Variants in CRAMP1 observed in about 807,000 individuals in gnomAD.
CRAMP1 encodes cramped chromatin regulator 1, also known as protein cramped-like.
A neutral mutation model predicts 115.4 loss-of-function variants in CRAMP1; 50 were observed. That is an observed-to-expected ratio of 0.43 (90% CI 0.35 to 0.55). CRAMP1 has a LOEUF of 0.55. Among genes scored for constraint, CRAMP1 ranks in the 20% least tolerant of loss-of-function variants. The pLI is 0.01. For missense variants in CRAMP1, 1,679 were observed against 1,721.7 expected (o/e 0.98, Z 0.44); for synonymous variants, 866 against 745.4 (o/e 1.16, Z -2.64).
At chr16:1,660,708 A>G (rs993046755) in intron 11 of CRAMP1, among the ~76,000 whole-genome samples, 4 of 152,218 alleles carry the variant, frequency 2.6e-5, no homozygotes, top group African/African-American at 7.2e-5. Context: ...TTTTAAGTGT[A>G]AAAATGGTGA....
chr16:1,645,363 T>C (rs529038467), intron 6 of CRAMP1: 3 of 253,532 alleles, frequency 1.2e-5, no homozygotes, highest in South Asian at 9.5e-5. Flanking sequence ...ATTTTTTATA[T>C]TTTTAGTACA....
intron 11 of CRAMP1, among the ~76,000 whole-genome samples, chr16:1,661,196 C>T (rs1272293140): frequency 1.3e-5 from 2 of 152,176 alleles, no homozygotes; most frequent in African/African-American, 4.8e-5. Context: ...GGGGCTCATA[C>T]CTGTGGTCCC....
chr16:1,661,746 C>A (rs2036832301), intron 11 of CRAMP1, among the ~76,000 whole-genome samples: 1 of 152,078 alleles, frequency 6.6e-6, no homozygotes, highest in South Asian at 2.1e-4. Context: ...CAGGCATGTG[C>A]CACCATGCTC....
Position 1,666,041 on chromosome 16 carries a change from C to G in CRAMP1, c.2753-32C>G. On this transcript the variant is annotated intron_variant, in intron 14 of 20. Coordinates refer to ENST00000397412, the MANE Select transcript of CRAMP1 (RefSeq NM_020825.4). This position sits in a 1 kb window ranked among gnomAD's most constrained non-coding sequence, Gnocchi z 5.0. ...GCTGTGAGGGCATGGCGGGCGGGCT[C>G]GACATGTCTGCTTTTGCCCTCGCCC... 1 of 1,464,494 alleles carries G rather than the reference C, an allele frequency of 6.8e-7. No homozygotes were observed. Among genetic ancestry groups the G allele is most frequent in the Non-Finnish European group, 9.4e-7 (1 of 1,068,838 alleles). 90.7% of individuals were successfully genotyped at this position (1,464,494 alleles called of 1,614,324 possible).
chr16:1,629,761 C>G (rs1482083522), intron 3 of CRAMP1, among the ~76,000 whole-genome samples: 1 of 152,222 alleles, frequency 6.6e-6, no homozygotes, highest in African/African-American at 2.4e-5. Context: ...CCTCTTTATG[C>G]TTTATCTGCC....
At position 1,656,974 on chromosome 16, in the gene CRAMP1, C is replaced by G; in HGVS notation, c.2217C>G (p.Thr739=). The change falls in exon 10 of 21, where the codon ACC becomes ACG. Residue 739 remains threonine (T), a synonymous_variant. Coordinates refer to ENST00000397412, the MANE Select transcript of CRAMP1 (RefSeq NM_020825.4). This position sits in a 1 kb window ranked among gnomAD's most constrained non-coding sequence, Gnocchi z 5.6. ...LLSCLLKLIS[T]EVNPKLALEA... Reference sequence around the variant, plus strand: ...GCTGCCTCCTGAAGCTCATTTCCACCGAGGTCAACCCCAAGCTGGTGAGTG... The same window carrying G: ...GCTGCCTCCTGAAGCTCATTTCCACGGAGGTCAACCCCAAGCTGGTGAGTG... 6.5e-7 allele frequency: 1 copy of G among 1,542,194 alleles called. No individual in the cohort carries two copies. The highest frequency in any genetic ancestry group is 8.8e-7 in the Non-Finnish European group (1 of 1,142,694).
At chr16:1,612,945 G>C (rs2036371747) in intron 1 of CRAMP1, among the ~76,000 whole-genome samples, 1 of 152,054 alleles carries the variant, frequency 6.6e-6, no homozygotes, top group African/African-American at 2.4e-5. Context: ...AAGTCTGGAC[G>C]GCGTCGGTCC....
chr16:1,617,023 A>G (rs2036426352), intron 2 of CRAMP1, among the ~76,000 whole-genome samples: 1 of 149,920 alleles, frequency 6.7e-6, no homozygotes, highest in Non-Finnish European at 1.5e-5. Flanking sequence ...ACGGGGTTTC[A>G]CCGTGTTAGC....
intron 4 of CRAMP1, among the ~76,000 whole-genome samples, chr16:1,637,272 C>G (rs897734175): frequency 6.7e-6 from 1 of 150,066 alleles, no homozygotes; most frequent in African/African-American, 2.5e-5. Flanking sequence ...CCAGTCTGGG[C>G]GAGAGAGTGA....
At position 1,614,843 on chromosome 16, in the gene CRAMP1, G is replaced by T; in HGVS notation, c.204G>T (p.Ala68=). The T allele has an allele frequency of 7.8e-7, 1 of 1,281,056 alleles. No individual in the cohort carries two copies. 79.4% of individuals were successfully genotyped at this position (1,281,056 alleles called of 1,614,324 possible). A position where few individuals can be genotyped will look rare whatever the true frequency, so the allele number is the denominator to read the frequency against. Residue 68 remains alanine, a synonymous_variant, in exon 2 of 21, where the codon GCG becomes GCT. Coordinates refer to ENST00000397412, the MANE Select transcript of CRAMP1 (RefSeq NM_020825.4). The surrounding 1 kb of genome is among the most constrained non-coding windows in gnomAD (Gnocchi z 4.4). ...CCGCGCCCCCCGGCGCGCCGCAGGC[G>T]CCGTCCCCGCCGCAGGGCAGCCCCC... ...GPPAPPGAPQ[A]PSPPQGSPQD... is the part of the protein sequence containing the mutation.
chr16:1,614,879 C>T lies in CRAMP1; in HGVS notation c.240C>T (p.His80=), dbSNP rs2036404023. The change falls in exon 2 of 21, where the codon CAC becomes CAT. Residue 80 remains histidine, a synonymous_variant. Coordinates refer to ENST00000397412, the MANE Select transcript of CRAMP1 (RefSeq NM_020825.4). The surrounding 1 kb of genome is among the most constrained non-coding windows in gnomAD (Gnocchi z 4.4). The part of the protein sequence containing the change: ...SPPQGSPQDQ[H]HFLRSSVRPQ... ...CGCAGGGCAGCCCCCAGGACCAGCA[C>T]CACTTCCTCCGGTCCAGCGTGCGGC... The T allele has an allele frequency of 1.1e-5, 15 of 1,331,166 alleles. No individual in the cohort carries two copies. Among genetic ancestry groups the T allele is most frequent in the Non-Finnish European group, 1.3e-5 (14 of 1,038,992 alleles). 82.5% of individuals were successfully genotyped at this position (1,331,166 alleles called of 1,614,324 possible).
intron 4 of CRAMP1, among the ~76,000 whole-genome samples, chr16:1,633,712 C>T (rs188362898): frequency 4.6e-5 from 7 of 152,272 alleles, no homozygotes; most frequent in African/African-American, 1.2e-4. Flanking sequence ...CACGCAGCAC[C>T]GACTTTTCAT....
chr16:1,612,465 G>C lies in CRAMP1; in HGVS notation c.-194G>C, dbSNP rs950964424. On this transcript the variant is annotated 5_prime_UTR_variant, in exon 1 of 21. Transcript: ENST00000397412. ...CTGCGTCCGCAGCCCCCGCAGCCGC[G>C]CGCCGGCCCGCGGAGGGGACGTGCC... 2.6e-5 allele frequency: 4 copies of C among 151,248 alleles called. No individual in the cohort carries two copies. The highest frequency in any genetic ancestry group is 5.9e-5 in the Non-Finnish European group (4 of 67,686). 9.4% of individuals were successfully genotyped at this position (151,248 alleles called of 1,614,324 possible).
chr16:1,647,781 A>T lies in CRAMP1; in HGVS notation c.828-4715A>T, dbSNP rs555859877. Among the ~76,000 whole-genome samples, 3 of 144,048 alleles carry T rather than the reference A, an allele frequency of 2.1e-5. No homozygotes were observed. The East Asian group carries it at 6.2e-4, about 30-fold the overall frequency. The allele number at this position is 144,048 out of a possible 152,430, so 94.5% of individuals were successfully genotyped here. The stretch of plus-strand genomic sequence containing the variant: ...AAAAAAAAAAAAAAAAAAGCTACTC[A>T]TGGAGGGGTGTAAATAGAGCCTCTG... On this transcript the variant is annotated intron_variant, in intron 6 of 20. Transcript: ENST00000397412.
Position 1,674,242 on chromosome 16 carries a change from G to C in CRAMP1, c.*197G>C. On this transcript the variant is annotated 3_prime_UTR_variant, in exon 21 of 21. Coordinates refer to ENST00000397412, the MANE Select transcript of CRAMP1 (RefSeq NM_020825.4). Reference sequence around the variant, plus strand: ...GGAGACTAGGATGAGTTCTTGGCAAGGGCCAGCGTTAGAAATCACTGTGGT... The same window carrying C: ...GGAGACTAGGATGAGTTCTTGGCAACGGCCAGCGTTAGAAATCACTGTGGT... 3 of 602,846 alleles carry C rather than the reference G, an allele frequency of 5.0e-6. No homozygotes were observed. Among genetic ancestry groups the C allele is most frequent in the South Asian group, 4.0e-5 (2 of 49,772 alleles). 37.3% of individuals were successfully genotyped at this position (602,846 alleles called of 1,614,324 possible).
At chr16:1,618,367 A>G (rs1333780626) in intron 2 of CRAMP1, among the ~76,000 whole-genome samples, 1 of 152,194 alleles carries the variant, frequency 6.6e-6, no homozygotes, top group African/African-American at 2.4e-5. Flanking sequence ...GCCATGAAAA[A>G]TGCATGCAGC....
Position 1,641,076 on chromosome 16 carries a change from A to C in CRAMP1, c.779-63A>C, listed in dbSNP as rs374981019. ...CTATATTGAGCGGAATTGTATGGGAATCTTCAGTGGCTTTGCTCCTAACTA... is the reference window on the plus strand; with the variant it reads ...CTATATTGAGCGGAATTGTATGGGACTCTTCAGTGGCTTTGCTCCTAACTA... On this transcript the variant is annotated intron_variant, in intron 5 of 20. Coordinates refer to ENST00000397412, the MANE Select transcript of CRAMP1 (RefSeq NM_020825.4). 23 of 1,134,526 alleles carry C rather than the reference A, an allele frequency of 2.0e-5. 1 individual carries two copies. The highest frequency in any genetic ancestry group is 4.2e-4 in the Middle Eastern group (2 of 4,790). 70.3% of individuals were successfully genotyped at this position (1,134,526 alleles called of 1,614,324 possible).
intron 3 of CRAMP1, among the ~76,000 whole-genome samples, chr16:1,629,226 G>T (rs2036529741): frequency 6.6e-6 from 1 of 152,142 alleles, no homozygotes; most frequent in Admixed American, 6.5e-5. Flanking sequence ...CTCAGCTCTG[G>T]CCTCTGTGCT....
At position 1,656,975 on chromosome 16, in the gene CRAMP1, G is replaced by T; in HGVS notation, c.2218G>T (p.Glu740Ter). 6.5e-7 allele frequency: 1 copy of T among 1,542,416 alleles called. No homozygotes were observed. Among genetic ancestry groups the T allele is most frequent in the East Asian group, 2.4e-5 (1 of 42,538 alleles). Residue 740 changes from glutamate (E) to a stop codon, truncating the protein, a stop_gained, in exon 10 of 21, where the codon GAG (glutamate) becomes TAG (stop). Transcript: ENST00000397412. LOFTEE classifies it high-confidence loss of function. The surrounding 1 kb of genome is among the most constrained non-coding windows in gnomAD (Gnocchi z 5.6). ...LSCLLKLIST[E>*]VNPKLALEAN... ...CTGCCTCCTGAAGCTCATTTCCACC[G>T]AGGTCAACCCCAAGCTGGTGAGTGG...
Sources: allele counts gnomAD v4.1 joint callset (sites outside exome capture counted in the v4.1 genomes callset), GRCh38; gene constraint gnomAD v4.1.1; non-coding constraint Gnocchi (gnomAD v3.1); transcripts MANE v1.5; gene names NCBI Gene and HGNC (gene_info 2026-07-23, HGNC 2026-07-21).